The following GPC6 variants were observed in gnomAD, a reference collection of about 807,000 sequenced individuals.
GPC6 encodes glypican-6.
A neutral mutation model predicts 55.2 loss-of-function variants in GPC6; 14 were observed. That is an observed-to-expected ratio of 0.25 (90% CI 0.17 to 0.40). The LOEUF is 0.40. Ranked by LOEUF, GPC6 falls within the 10% of genes least tolerant of loss-of-function variation. The pLI, the probability that GPC6 is intolerant of heterozygous loss-of-function variation, is 1.00. For synonymous variants in GPC6, 278 were observed against 259.6 expected, an observed-to-expected ratio of 1.07 and a Z score of -0.68; for missense variants, 641 against 708.5, an observed-to-expected ratio of 0.90 and a Z score of 1.08.
chr13:93,257,412 A>G (rs1876992574), intron 1 of GPC6, among the ~76,000 whole-genome samples: 1 of 152,224 alleles, frequency 6.6e-6, no homozygotes, highest in Admixed American at 6.5e-5. Context: ...GTTATAGCAA[A>G]AGTATCAGAT....
At chr13:93,573,862 C>A (rs1876531215) in intron 2 of GPC6, among the ~76,000 whole-genome samples, 1 of 152,130 alleles carries the variant, frequency 6.6e-6, no homozygotes, top group African/African-American at 2.4e-5. Flanking sequence ...ATTTCTACAG[C>A]AAACTGTGGA....
intron 3 of GPC6, among the ~76,000 whole-genome samples, chr13:93,977,204 C>A (rs530815831): frequency 1.1e-4 from 16 of 152,240 alleles, no homozygotes; most frequent in Non-Finnish European, 2.1e-4. Context: ...TCACTGCTAA[C>A]TCAGGACTAG....
At chr13:93,743,925 A>G (rs1884296383) in intron 2 of GPC6, among the ~76,000 whole-genome samples, 1 of 152,152 alleles carries the variant, frequency 6.6e-6, no homozygotes, top group Admixed American at 6.5e-5. Flanking sequence ...CTGATACTGA[A>G]TGGCATTAAT....
In GPC6 at chr13:93,686,358, T is replaced by C. The variant is rs143362015; in HGVS notation, c.319+140937T>C. 3.0e-3 allele frequency among the ~76,000 whole-genome samples: 455 copies of C among 152,212 alleles called. 1 individual carries two copies. Among genetic ancestry groups the C allele is most frequent in the African/African-American group, 0.01 (430 of 41,544 alleles). ...AGAGTATTTTAAATGTTAAAATAAA[T>C]GTGTAAAGTTGTACATCTCTCATCT... On this transcript the variant is annotated intron_variant, in intron 2 of 8. Coordinates refer to ENST00000377047, the MANE Select transcript of GPC6 (RefSeq NM_005708.5).
In GPC6 at chr13:93,423,014, A is replaced by G. The variant is rs1876980695; in HGVS notation, c.161-122249A>G. On this transcript the variant is annotated intron_variant, in intron 1 of 8. Coordinates refer to ENST00000377047, the MANE Select transcript of GPC6 (RefSeq NM_005708.5). ...CATTATTTTAATGCTGGGAGTCAGC[A>G]TTGGGTAGTGGTTAGAAACAGACAT... is the stretch of plus-strand genomic sequence containing the variant. 2.6e-5 allele frequency among the ~76,000 whole-genome samples: 4 copies of G among 151,956 alleles called. 1 individual carries two copies. In the South Asian group the frequency reaches 8.3e-4, roughly 31 times the overall value.
intron 2 of GPC6, among the ~76,000 whole-genome samples, chr13:93,644,830 A>AT (rs1269907536): frequency 6.6e-6 from 1 of 151,990 alleles, no homozygotes; most frequent in East Asian, 1.9e-4. Flanking sequence ...ATAAACTGAC[A>AT]TTTTATTCCT....
intron 2 of GPC6, among the ~76,000 whole-genome samples, chr13:93,564,683 T>A (rs1875997267): frequency 6.6e-6 from 1 of 152,192 alleles, no homozygotes; most frequent in Non-Finnish European, 1.5e-5. Context: ...AGAACACTTT[T>A]TACCTTCTAT....
chr13:94,266,353 A>G lies in GPC6; in HGVS notation c.878-19996A>G, dbSNP rs919787523. ...CTGGCTAATTTTTTGTATTTTTAGT[A>G]GAGACGGGGTTTCACTGTGTTAGCC... On this transcript the variant is annotated intron_variant, in intron 4 of 8. Transcript: ENST00000377047. Among the ~76,000 whole-genome samples, 5 of 152,080 alleles carry G rather than the reference A, an allele frequency of 3.3e-5. 1 individual carries two copies. Among genetic ancestry groups the G allele is most frequent in the Non-Finnish European group, 7.4e-5 (5 of 68,000 alleles).
chr13:93,932,015 T>C (rs1878203639), intron 3 of GPC6, among the ~76,000 whole-genome samples: 1 of 152,292 alleles, frequency 6.6e-6, no homozygotes, highest in African/African-American at 2.4e-5. Flanking sequence ...TATAGAGCCA[T>C]CATAAACATA....
rs556738692 is a variant in GPC6 at position 93,567,187 on chromosome 13, G to A, written c.319+21766G>A. ...CTAATTTACACTTCCATCAACAGTC[G>A]TATTAACAATTACAATAATAATACA... On this transcript the variant is annotated intron_variant, in intron 2 of 8. Transcript: ENST00000377047. Among the ~76,000 whole-genome samples, 33 of 152,106 alleles carry A rather than the reference G, an allele frequency of 2.2e-4. 1 individual carries two copies. The highest frequency in any genetic ancestry group is 5.9e-4 in the Admixed American group (9 of 15,280).
chr13:93,235,274 T>C (rs189531946), intron 1 of GPC6, among the ~76,000 whole-genome samples: 60 of 152,256 alleles, frequency 3.9e-4, no homozygotes, highest in African/African-American at 1.3e-3. Context: ...TAATTAAATA[T>C]GTGAGCAAAA....
At chr13:93,780,630 CAA>C (rs1491196276) in intron 2 of GPC6, among the ~76,000 whole-genome samples, 25 of 141,902 alleles carry the variant, frequency 1.8e-4, no homozygotes, top group African/African-American at 5.9e-4. Context: ...CACACACACA[CAA>C]AATAAAATTT....
chr13:93,271,107 A>G (rs759488882), intron 1 of GPC6, among the ~76,000 whole-genome samples: 21 of 152,152 alleles, frequency 1.4e-4, no homozygotes, highest in Non-Finnish European at 2.4e-4. Context: ...TCCTACTTCT[A>G]ATAATCATTC....
chr13:93,673,434 G>T (rs1319996736), intron 2 of GPC6, among the ~76,000 whole-genome samples: 2 of 152,116 alleles, frequency 1.3e-5, no homozygotes, highest in Non-Finnish European at 2.9e-5. Context: ...GATCGCTGGA[G>T]ACTGGAAGGT....
intron 3 of GPC6, among the ~76,000 whole-genome samples, chr13:93,980,544 C>G (rs1042383311): frequency 6.6e-6 from 1 of 152,158 alleles, no homozygotes; most frequent in African/African-American, 2.4e-5. Context: ...GGCACTCTAG[C>G]TAGATCCTCT....
At chr13:93,254,488 A>G (rs1876888444) in intron 1 of GPC6, among the ~76,000 whole-genome samples, 1 of 152,198 alleles carries the variant, frequency 6.6e-6, no homozygotes, top group Non-Finnish European at 1.5e-5. Flanking sequence ...TGTTTCATGA[A>G]TCCCTTTTAC....
chr13:93,827,776 T>G (rs2138976221), intron 2 of GPC6, among the ~76,000 whole-genome samples: 1 of 152,180 alleles, frequency 6.6e-6, no homozygotes, highest in Non-Finnish European at 1.5e-5. Flanking sequence ...AAATACTAAT[T>G]TAAACTTGGG....
chr13:94,322,362 G>A (rs894067444), intron 6 of GPC6, among the ~76,000 whole-genome samples: 23 of 152,158 alleles, frequency 1.5e-4, no homozygotes, highest in African/African-American at 4.8e-4. Context: ...CTTAGCAGCA[G>A]TGTGAAAGCA....
intron 4 of GPC6, among the ~76,000 whole-genome samples, chr13:94,105,902 T>C (rs1382579415): frequency 6.6e-6 from 1 of 152,100 alleles, no homozygotes; most frequent in Non-Finnish European, 1.5e-5. Flanking sequence ...CTAAGCATCC[T>C]ACATTGAAAA....
Sources: allele counts gnomAD v4.1 joint callset (sites outside exome capture counted in the v4.1 genomes callset), GRCh38; gene constraint gnomAD v4.1.1; transcripts MANE v1.5; gene names NCBI Gene and HGNC (gene_info 2026-07-23, HGNC 2026-07-21).